The following SCHIP1 variants were observed in gnomAD, a reference collection of about 807,000 sequenced individuals.
SCHIP1 encodes schwannomin-interacting protein 1.
Under a neutral mutation model 29.7 loss-of-function variants are expected in SCHIP1, and 8 were observed. That is an observed-to-expected ratio of 0.27 (90% CI 0.16 to 0.49). The LOEUF is 0.49. Among genes scored for constraint, SCHIP1 ranks in the 20% least tolerant of loss-of-function variants. The pLI is 0.99. For missense variants in SCHIP1, 193 were observed against 294.6 expected (o/e 0.66, Z 2.52); for synonymous variants, 76 against 94.9 (o/e 0.80, Z 1.16).
At chr3:159,363,161 A>G in the SCHIP1 span, among the ~76,000 whole-genome samples, 2 of 152,248 alleles carry the variant, frequency 1.3e-5, no homozygotes, top group African/African-American at 4.8e-5. Flanking sequence ...GGAGAGGTTA[A>G]CAAAAAGAAA....
chr3:159,278,135 T>C, the SCHIP1 span, among the ~76,000 whole-genome samples: 1 of 152,140 alleles, frequency 6.6e-6, no homozygotes, highest in Non-Finnish European at 1.5e-5. Flanking sequence ...TGCAGTGTCA[T>C]CTCATTTAAA....
the SCHIP1 span, among the ~76,000 whole-genome samples, chr3:159,791,512 C>T: frequency 1.3e-5 from 2 of 152,206 alleles, no homozygotes; most frequent in Non-Finnish European, 2.9e-5. Flanking sequence ...CAACCTCAGT[C>T]AAGTCACAGC....
the SCHIP1 span, among the ~76,000 whole-genome samples, chr3:159,787,923 T>A: frequency 6.6e-6 from 1 of 152,144 alleles, no homozygotes; most frequent in African/African-American, 2.4e-5. Context: ...TGGCATGGTT[T>A]CAAAGAAATG....
chr3:159,833,788 C>G, the SCHIP1 span, among the ~76,000 whole-genome samples: 1 of 152,222 alleles, frequency 6.6e-6, no homozygotes, highest in Non-Finnish European at 1.5e-5. Context: ...CCTCCTTACT[C>G]TACCCCAACC....
the SCHIP1 span, among the ~76,000 whole-genome samples, chr3:159,692,976 T>C: frequency 6.6e-6 from 1 of 152,218 alleles, no homozygotes; most frequent in African/African-American, 2.4e-5. Context: ...TGAATTAATT[T>C]ACTATGCACT....
chr3:159,514,398 T>A, the SCHIP1 span, among the ~76,000 whole-genome samples: 1 of 152,254 alleles, frequency 6.6e-6, no homozygotes, highest in East Asian at 1.9e-4. Flanking sequence ...TATAAAGTAC[T>A]TTATAATGAA....
the SCHIP1 span, among the ~76,000 whole-genome samples, chr3:159,325,870 G>A: frequency 1.3e-5 from 2 of 151,956 alleles, no homozygotes; most frequent in Non-Finnish European, 2.9e-5. Flanking sequence ...GCTCGTAATA[G>A]TAATAGCTTT....
chr3:159,384,740 G>A, the SCHIP1 span, among the ~76,000 whole-genome samples: 1 of 151,722 alleles, frequency 6.6e-6, no homozygotes, highest in Non-Finnish European at 1.5e-5. Flanking sequence ...ATCTGGTTCT[G>A]GACTCTTTTT....
At chr3:159,834,405 C>G in the SCHIP1 span, among the ~76,000 whole-genome samples, 1 of 152,182 alleles carries the variant, frequency 6.6e-6, no homozygotes, top group Non-Finnish European at 1.5e-5. Context: ...AACTCATCTT[C>G]GTCATATCTA....
At chr3:159,561,084 A>G in the SCHIP1 span, among the ~76,000 whole-genome samples, 15 of 151,492 alleles carry the variant, frequency 9.9e-5, no homozygotes, top group Non-Finnish European at 1.9e-4. Flanking sequence ...GTTTTTTATG[A>G]TATTTGTATA....
the SCHIP1 span, among the ~76,000 whole-genome samples, chr3:159,659,471 G>A: frequency 8.5e-5 from 13 of 152,342 alleles, no homozygotes; most frequent in South Asian, 1.2e-3. Context: ...TTATGAGAAT[G>A]TCAGGAGTGG....
the SCHIP1 span, among the ~76,000 whole-genome samples, chr3:159,319,670 A>G: frequency 6.6e-6 from 1 of 152,160 alleles, no homozygotes; most frequent in Non-Finnish European, 1.5e-5. Context: ...ATAAGCAGAT[A>G]TTTTCTCTGG....
chr3:159,443,701 G>T, the SCHIP1 span, among the ~76,000 whole-genome samples: 1 of 152,124 alleles, frequency 6.6e-6, no homozygotes, highest in Non-Finnish European at 1.5e-5. Flanking sequence ...TAGAGACAGG[G>T]TTTCACCATG....
chr3:159,621,547 G>A, the SCHIP1 span, among the ~76,000 whole-genome samples: 1 of 152,176 alleles, frequency 6.6e-6, no homozygotes, highest in Non-Finnish European at 1.5e-5. Context: ...TCCCCAATGA[G>A]GCTGCTAATC....
At chr3:159,886,938 C>T (rs1717020903) in intron 3 of SCHIP1, 1 of 154,298 alleles carries the variant, frequency 6.5e-6, no homozygotes, top group Non-Finnish European at 1.4e-5. Context: ...ACCATCATAT[C>T]TGGTGAGACT....
chr3:159,612,647 T>A, the SCHIP1 span, among the ~76,000 whole-genome samples: 1 of 152,264 alleles, frequency 6.6e-6, no homozygotes, highest in Middle Eastern at 3.4e-3. Context: ...CTCAGGAGGC[T>A]GAGGCAGGAG....
the SCHIP1 span, among the ~76,000 whole-genome samples, chr3:159,689,872 T>G: frequency 6.6e-6 from 1 of 152,210 alleles, no homozygotes; most frequent in Non-Finnish European, 1.5e-5. Context: ...GTTTTTGTCT[T>G]TGGGTCTGTT....
chr3:159,743,083 C>A, the SCHIP1 span, among the ~76,000 whole-genome samples: 1 of 152,118 alleles, frequency 6.6e-6, no homozygotes, highest in Non-Finnish European at 1.5e-5. Context: ...AGATGAAGAA[C>A]AAGCTAATAT....
chr3:159,357,390 A>G, the SCHIP1 span, among the ~76,000 whole-genome samples: 1 of 152,220 alleles, frequency 6.6e-6, no homozygotes, highest in Non-Finnish European at 1.5e-5. Flanking sequence ...CTTTCAAGTA[A>G]TGAGCTTGGC....
Sources: gnomAD v4.1 joint callset for allele counts (sites outside exome capture counted in the v4.1 genomes callset) on GRCh38, gnomAD v4.1.1 for gene constraint, MANE v1.5 for transcripts, NCBI Gene and HGNC (gene_info 2026-07-23, HGNC 2026-07-21) for gene names.